NINJ2: variants seen among roughly 807,000 people sequenced by gnomAD.
The protein encoded by NINJ2 is ninjurin 2.
Under a neutral mutation model 11.7 loss-of-function variants are expected in NINJ2, and 12 were observed. The observed-to-expected ratio is 1.02, with a 90% CI of 0.66 to 1.66. The LOEUF is 1.66. Ranked by LOEUF, NINJ2 falls within the 40% of genes most tolerant of loss-of-function variation. The pLI is 0.00. For synonymous variants in NINJ2, 93 were observed against 76.8 expected (o/e 1.21, Z -1.10); for missense variants, 187 against 181.8 (o/e 1.03, Z -0.16).
At chr12:583,249 G>T (rs1244451506) in intron 1 of NINJ2, among the ~76,000 whole-genome samples, 1 of 152,238 alleles carries the variant, frequency 6.6e-6, no homozygotes, top group Non-Finnish European at 1.5e-5. Context: ...GCGCAGGCAG[G>T]CAGGCATGCT....
chr12:603,715 T>C (rs1947902312), intron 1 of NINJ2, among the ~76,000 whole-genome samples: 1 of 152,022 alleles, frequency 6.6e-6, no homozygotes, highest in African/African-American at 2.4e-5. Flanking sequence ...GGCTGGAGTA[T>C]AGTGGTGCAA....
intron 1 of NINJ2, among the ~76,000 whole-genome samples, chr12:662,409 C>CGAGAGAGAGAGA (rs111778018): frequency 0.01 from 1,528 of 147,494 alleles, 17 homozygotes; most frequent in African/African-American, 0.027. Flanking sequence ...ACACAGAGAA[C>CGAGAGAGAGAGA]GAGAGAGAGA....
chr12:591,571 G>A lies in NINJ2; in HGVS notation c.34-25393C>T, dbSNP rs1381009193. Among the ~76,000 whole-genome samples, 4 of 152,144 alleles carry A rather than the reference G, an allele frequency of 2.6e-5. No individual in the cohort carries two copies. Among genetic ancestry groups the A allele is most frequent in the Admixed American group, 6.5e-5 (1 of 15,276 alleles). Reference sequence around the variant, plus strand: ...AGCTCTCTGGATGGGCAGTGCTAGCGGAGTTCCATAGAGCTGGTCTTAAAA... The same window carrying A: ...AGCTCTCTGGATGGGCAGTGCTAGCAGAGTTCCATAGAGCTGGTCTTAAAA... On this transcript the variant is annotated intron_variant, in intron 1 of 3. Transcript: ENST00000305108. This position sits in a 1 kb window ranked among gnomAD's most constrained non-coding sequence, Gnocchi z 5.0.
At chr12:616,425 GT>G (rs905610994) in intron 1 of NINJ2, among the ~76,000 whole-genome samples, 3 of 152,074 alleles carry the variant, frequency 2.0e-5, no homozygotes, top group African/African-American at 7.2e-5. Flanking sequence ...AGGTCCAGGG[GT>G]TTGGTCTTGG....
At chr12:654,958 T>G (rs1378541937) in intron 1 of NINJ2, among the ~76,000 whole-genome samples, 2 of 150,228 alleles carry the variant, frequency 1.3e-5, no homozygotes, top group Admixed American at 6.6e-5. Flanking sequence ...TCACACCAAC[T>G]GACTAAAAAA....
chr12:647,041 C>CT (rs1365264769), intron 1 of NINJ2, among the ~76,000 whole-genome samples: 1 of 152,204 alleles, frequency 6.6e-6, no homozygotes, highest in Non-Finnish European at 1.5e-5. Flanking sequence ...TCCCACCTGA[C>CT]TTCCACATTG....
intron 1 of NINJ2, among the ~76,000 whole-genome samples, chr12:652,284 G>GA (rs962667350): frequency 1.3e-5 from 2 of 152,134 alleles, no homozygotes; most frequent in Non-Finnish European, 2.9e-5. Context: ...AGCATTGAAG[G>GA]AAAAAAATCC....
intron 1 of NINJ2, among the ~76,000 whole-genome samples, chr12:612,058 T>A (rs755309454): frequency 3.4e-4 from 52 of 152,144 alleles, no homozygotes; most frequent in Non-Finnish European, 6.2e-4. Flanking sequence ...CCTCCCTCCC[T>A]TTTTCCCAGG....
intron 1 of NINJ2, among the ~76,000 whole-genome samples, chr12:566,667 C>T (rs1479756957): frequency 6.6e-6 from 1 of 152,244 alleles, no homozygotes; most frequent in East Asian, 1.9e-4. Context: ...AGCTCAGCAG[C>T]TGATCATCGG....
At chr12:601,239 A>C (rs902787509) in intron 1 of NINJ2, among the ~76,000 whole-genome samples, 3 of 152,250 alleles carry the variant, frequency 2.0e-5, no homozygotes, top group African/African-American at 4.8e-5. Context: ...TATCTTTTTA[A>C]AAATTAACTT....
intron 1 of NINJ2, among the ~76,000 whole-genome samples, chr12:619,087 C>T (rs1033884516): frequency 3.3e-5 from 5 of 152,062 alleles, no homozygotes; most frequent in African/African-American, 4.8e-5. Flanking sequence ...GTGAGGTGCC[C>T]GCAATTTCTT....
chr12:648,129 A>G (rs1413732684), intron 1 of NINJ2, among the ~76,000 whole-genome samples: 2 of 152,108 alleles, frequency 1.3e-5, no homozygotes, highest in Non-Finnish European at 2.9e-5. Flanking sequence ...CTGGAGTGCA[A>G]TGGTGTGATC....
rs1948238656 is a variant in NINJ2 at position 628,933 on chromosome 12, T to C, written c.33+34395A>G. Among the ~76,000 whole-genome samples the C allele has an allele frequency of 6.6e-6, 1 of 152,056 alleles. No individual in the cohort carries two copies. The highest frequency in any genetic ancestry group is 2.1e-4 in the South Asian group (1 of 4,814). ...AACTGGGGGAGGGGGAAAATCTCCA[T>C]CTCCTTCCCAAAAAGCTCATGAATA... On this transcript the variant is annotated intron_variant, in intron 1 of 3. Transcript: ENST00000305108. This position sits in a 1 kb window ranked among gnomAD's most constrained non-coding sequence, Gnocchi z 4.4.
At chr12:635,576 C>T (rs1948341399) in intron 1 of NINJ2, among the ~76,000 whole-genome samples, 1 of 152,192 alleles carries the variant, frequency 6.6e-6, no homozygotes, top group African/African-American at 2.4e-5. Flanking sequence ...TATACAGAAA[C>T]TAACTCAAAA....
intron 1 of NINJ2, among the ~76,000 whole-genome samples, chr12:625,660 C>T (rs993292356): frequency 5.9e-5 from 9 of 152,106 alleles, no homozygotes; most frequent in African/African-American, 1.2e-4. Context: ...CTCTCATGGA[C>T]GGTACAGAAA....
At chr12:651,732 G>A (rs535253672) in intron 1 of NINJ2, among the ~76,000 whole-genome samples, 2 of 152,298 alleles carry the variant, frequency 1.3e-5, no homozygotes, top group South Asian at 2.1e-4. Flanking sequence ...GATGGGCAAC[G>A]TAAGTGGAGA....
At chr12:570,164 G>A (rs560654744) in intron 1 of NINJ2, among the ~76,000 whole-genome samples, 1 of 152,380 alleles carries the variant, frequency 6.6e-6, no homozygotes, top group African/African-American at 2.4e-5. Context: ...TGGGGTGGGG[G>A]GACCCAGAAG....
intron 1 of NINJ2, among the ~76,000 whole-genome samples, chr12:593,843 GCAT>G (rs1947747282): frequency 1.3e-5 from 2 of 152,252 alleles, no homozygotes; most frequent in South Asian, 4.2e-4. Flanking sequence ...AACAGCAGCA[GCAT>G]CACCAACTTA....
At chr12:658,679 TGCTA>T (rs1937909042) in intron 1 of NINJ2, among the ~76,000 whole-genome samples, 1 of 148,996 alleles carries the variant, frequency 6.7e-6, no homozygotes, top group Non-Finnish European at 1.5e-5. Context: ...TGCTATGCTA[TGCTA>T]TGCTATGCTA....
Sources: gnomAD v4.1 joint callset for allele counts (sites outside exome capture counted in the v4.1 genomes callset) on GRCh38, gnomAD v4.1.1 for gene constraint, Gnocchi (gnomAD v3.1) non-coding constraint, MANE v1.5 for transcripts, NCBI Gene and HGNC (gene_info 2026-07-23, HGNC 2026-07-21) for gene names.